Variants in SAMD4A observed in about 807,000 individuals in gnomAD.
The protein encoded by SAMD4A is protein Smaug homolog 1.
In SAMD4A, 33 loss-of-function variants were observed where a neutral mutation model predicts 81.3. The ratio of observed to expected loss-of-function variants is 0.41; its 90% CI spans 0.31 to 0.54. The LOEUF (loss-of-function observed/expected upper bound fraction) is 0.54, where lower values mean the gene tolerates loss of function less well. Ranked by LOEUF, SAMD4A falls within the 20% of genes least tolerant of loss-of-function variation. The pLI is 0.37. For missense variants in SAMD4A, 854 were observed against 951.1 expected, an observed-to-expected ratio of 0.90 and a Z score of 1.34; for synonymous variants, 389 against 382.1, an observed-to-expected ratio of 1.02 and a Z score of -0.21.
chr14:54,678,140 G>C (rs1356522813), intron 2 of SAMD4A, among the ~76,000 whole-genome samples: 2 of 152,208 alleles, frequency 1.3e-5, no homozygotes, highest in Non-Finnish European at 2.9e-5. Context: ...TTTATGCTTA[G>C]GTTTGATAAA....
chr14:54,680,360 G>T (rs1051156155), intron 2 of SAMD4A, among the ~76,000 whole-genome samples: 1 of 152,196 alleles, frequency 6.6e-6, no homozygotes, highest in African/African-American at 2.4e-5. Flanking sequence ...CAGTGGAGTT[G>T]CTTCTTACCA....
intron 4 of SAMD4A, among the ~76,000 whole-genome samples, chr14:54,739,055 C>CTTTCTTTT (rs2037776098): frequency 1.0e-5 from 1 of 97,346 alleles, no homozygotes. Flanking sequence ...CTTTCCTTTT[C>CTTTCTTTT]TTTTTTTTTT....
intron 11 of SAMD4A, among the ~76,000 whole-genome samples, chr14:54,783,521 G>T (rs2039055783): frequency 6.6e-6 from 1 of 152,224 alleles, no homozygotes; most frequent in Non-Finnish European, 1.5e-5. Context: ...GTGAGAATGT[G>T]CACAGCACTG....
At chr14:54,624,786 T>TC (rs2034706400) in intron 2 of SAMD4A, among the ~76,000 whole-genome samples, 1 of 149,294 alleles carries the variant, frequency 6.7e-6, no homozygotes, top group African/African-American at 2.4e-5. Flanking sequence ...ATTTTTTTTT[T>TC]TGTTGTTTGG....
intron 2 of SAMD4A, among the ~76,000 whole-genome samples, chr14:54,576,221 A>G (rs1045790305): frequency 6.6e-6 from 1 of 151,978 alleles, no homozygotes; most frequent in African/African-American, 2.4e-5. Flanking sequence ...GTGCAGCATA[A>G]ATACATACAC....
intron 4 of SAMD4A, among the ~76,000 whole-genome samples, chr14:54,744,287 A>G (rs2037914203): frequency 6.6e-6 from 1 of 152,106 alleles, no homozygotes; most frequent in Non-Finnish European, 1.5e-5. Flanking sequence ...CGGGTGCTGC[A>G]TGGTCTGTTG....
In SAMD4A at chr14:54,702,383, A is replaced by G; in HGVS notation, c.518A>G (p.Gln173Arg). The G allele has an allele frequency of 6.2e-7, 1 of 1,614,218 alleles. No individual in the cohort carries two copies. The highest frequency in any genetic ancestry group is 1.7e-5 in the Admixed American group (1 of 60,022). ...RGRSDSVDYG[Q>R]THYYHQRQNS... ...CGCTCAGACTCTGTGGATTATGGACAGACACACTACTATCACCAAAGACAG... is the reference window on the plus strand; with the variant it reads ...CGCTCAGACTCTGTGGATTATGGACGGACACACTACTATCACCAAAGACAG... The change falls in exon 3 of 13, where the codon CAG (glutamine) becomes CGG (arginine). Residue 173 changes from glutamine (Q) to arginine (R), a missense_variant. Physicochemically the swap from Gln to Arg is conservative, Grantham distance 43 (BLOSUM62 1). This residue lies in a region of SAMD4A where 387 missense variants were observed against 405.8 expected (regional missense o/e 0.95). Transcript: ENST00000554335.
In SAMD4A at chr14:54,760,153, C is replaced by T. The variant is rs190473373; in HGVS notation, c.1177-8C>T. ...CCTAACAGAGGTCTTCCTGCTCTCA[C>T]CGTCCAGGACATCATCGAGGGGGGC... On this transcript the variant is annotated splice_region_variant and splice_polypyrimidine_tract_variant and intron_variant, in intron 6 of 12. Transcript: ENST00000554335. 665 of 1,603,060 alleles carry T rather than the reference C, an allele frequency of 4.1e-4. 3 individuals are homozygous for T. The highest frequency in any genetic ancestry group is 5.0e-4 in the Admixed American group (30 of 59,466).
At chr14:54,645,998 A>G (rs1332074945) in intron 2 of SAMD4A, among the ~76,000 whole-genome samples, 1 of 152,224 alleles carries the variant, frequency 6.6e-6, no homozygotes, top group African/African-American at 2.4e-5. Flanking sequence ...TCCATCTTTT[A>G]TGTGGTTATT....
Position 54,790,342 on chromosome 14 carries a change from T to A in SAMD4A, c.*1398T>A, listed in dbSNP as rs555608496. 6.6e-6 allele frequency: 1 copy of A among 152,256 alleles called. No homozygotes were observed. Among genetic ancestry groups the A allele is most frequent in the Non-Finnish European group, 1.5e-5 (1 of 68,064 alleles). 9.4% of individuals were successfully genotyped at this position (152,256 alleles called of 1,614,324 possible). A position where few individuals can be genotyped will look rare whatever the true frequency, so the allele number is the denominator to read the frequency against. On this transcript the variant is annotated 3_prime_UTR_variant, in exon 13 of 13. Coordinates refer to ENST00000554335, the MANE Select transcript of SAMD4A (RefSeq NM_015589.6). ...GATGTAGGAAAGGTTGATTTCAAGA[T>A]GGAAATGACAGCGCTATCCGCACAG...
intron 2 of SAMD4A, among the ~76,000 whole-genome samples, chr14:54,602,457 G>C (rs574809998): frequency 6.6e-6 from 1 of 151,958 alleles, no homozygotes. Flanking sequence ...TTCTGGTTGC[G>C]TGGAACAGAA....
At chr14:54,746,532 T>C (rs1242259338) in intron 4 of SAMD4A, among the ~76,000 whole-genome samples, 1 of 152,230 alleles carries the variant, frequency 6.6e-6, no homozygotes, top group African/African-American at 2.4e-5. Context: ...GTCAAAATAG[T>C]TTTATAGAAA....
intron 8 of SAMD4A, among the ~76,000 whole-genome samples, chr14:54,766,440 C>T (rs939746012): frequency 1.3e-5 from 2 of 152,170 alleles, no homozygotes; most frequent in Non-Finnish European, 2.9e-5. Context: ...CTGATAAGGT[C>T]ATCCCTGAGT....
At chr14:54,646,157 C>T (rs2035282166) in intron 2 of SAMD4A, among the ~76,000 whole-genome samples, 1 of 152,158 alleles carries the variant, frequency 6.6e-6, no homozygotes, top group Admixed American at 6.5e-5. Flanking sequence ...CACAGAGGCC[C>T]TACTTCCTAG....
At chr14:54,740,022 T>C (rs2037806619) in intron 4 of SAMD4A, among the ~76,000 whole-genome samples, 1 of 151,924 alleles carries the variant, frequency 6.6e-6, no homozygotes, top group South Asian at 2.1e-4. Context: ...ATACAAAAAT[T>C]AGTCAGGTGT....
intron 2 of SAMD4A, chr14:54,693,423 G>T (rs1044086728): frequency 6.6e-6 from 1 of 152,192 alleles, no homozygotes; most frequent in Non-Finnish European, 1.5e-5. Context: ...TTAGCTGGGC[G>T]CAGTGCCTCA....
intron 2 of SAMD4A, among the ~76,000 whole-genome samples, chr14:54,642,584 TC>T (rs2035198705): frequency 6.6e-6 from 1 of 152,182 alleles, no homozygotes; most frequent in African/African-American, 2.4e-5. Flanking sequence ...AGTTCATCTA[TC>T]CATTCATGTA....
At chr14:54,687,750 G>A (rs1333465372) in intron 2 of SAMD4A, among the ~76,000 whole-genome samples, 6 of 152,140 alleles carry the variant, frequency 3.9e-5, no homozygotes, top group South Asian at 4.1e-4. Flanking sequence ...CCTAAGTGCC[G>A]TATTGATTTG....
rs1303517907 is a variant in SAMD4A, at chr14:54,760,206, C to T, written c.1222C>T (p.His408Tyr). The T allele has an allele frequency of 6.2e-7, 1 of 1,613,318 alleles. No homozygotes were observed. Among genetic ancestry groups the T allele is most frequent in the African/African-American group, 1.3e-5 (1 of 74,898 alleles). ...GSLRIPLQEL[H>Y]QMILTPIKAY... ...CCTGCGCATCCCGCTCCAGGAACTGCACCAGATGATCCTGACTCCGATCAA... is the reference window on the plus strand; with the variant it reads ...CCTGCGCATCCCGCTCCAGGAACTGTACCAGATGATCCTGACTCCGATCAA... Residue 408 changes from histidine to tyrosine, a missense_variant, in exon 7 of 13, where the codon CAC (histidine) becomes TAC (tyrosine). His to Tyr is a moderately conservative substitution (Grantham distance 83, BLOSUM62 2). This residue lies in a region of SAMD4A where 428 missense variants were observed against 471.2 expected (regional missense o/e 0.91). Coordinates refer to ENST00000554335, the MANE Select transcript of SAMD4A (RefSeq NM_015589.6).
Sources: gnomAD v4.1 joint callset for allele counts (sites outside exome capture counted in the v4.1 genomes callset) on GRCh38, gnomAD v4.1.1 for gene constraint, gnomAD v4.1.1 regional missense constraint, MANE v1.5 for transcripts, NCBI Gene and HGNC (gene_info 2026-07-23, HGNC 2026-07-21) for gene names.